Variants in ATOSA observed in about 807,000 individuals in gnomAD.
ATOSA encodes atos homolog A, also known as atos homolog protein A.
chr15:52,694,139 T>C, the ATOSA span, among the ~76,000 whole-genome samples: 2 of 148,508 alleles, frequency 1.3e-5, no homozygotes, highest in African/African-American at 2.5e-5. Flanking sequence ...TGTGTGTGCG[T>C]GTGTGTGTGT....
At chr15:52,643,267 A>G in the ATOSA span, among the ~76,000 whole-genome samples, 3 of 152,162 alleles carry the variant, frequency 2.0e-5, no homozygotes, top group African/African-American at 2.4e-5. Context: ...CCCAAAAATT[A>G]TAGCTAGTGA....
chr15:52,648,954 G>A, the ATOSA span, among the ~76,000 whole-genome samples: 1 of 152,046 alleles, frequency 6.6e-6, no homozygotes, highest in Non-Finnish European at 1.5e-5. Context: ...GATATTTCCA[G>A]TTTCTCAATA....
At chr15:52,634,671 G>A in the ATOSA span, among the ~76,000 whole-genome samples, 5 of 150,450 alleles carry the variant, frequency 3.3e-5, no homozygotes, top group Middle Eastern at 3.4e-3. Flanking sequence ...GCGCGATCTC[G>A]GCTCACTGCA....
chr15:52,615,404 C>T, the ATOSA span, among the ~76,000 whole-genome samples: 22 of 152,096 alleles, frequency 1.4e-4, no homozygotes, highest in African/African-American at 4.1e-4. Context: ...GCTCTTATCT[C>T]GGCCAATCAA....
the ATOSA span, among the ~76,000 whole-genome samples, chr15:52,629,059 A>C: frequency 6.6e-6 from 1 of 152,234 alleles, no homozygotes; most frequent in Non-Finnish European, 1.5e-5. Flanking sequence ...GAAAGCCTTC[A>C]ATCTATAAGT....
the ATOSA span, among the ~76,000 whole-genome samples, chr15:52,697,528 G>A: frequency 6.6e-6 from 1 of 152,130 alleles, no homozygotes; most frequent in African/African-American, 2.4e-5. Context: ...TCTGAAACAT[G>A]ACTCACTTCT....
chr15:52,693,346 G>A, the ATOSA span, among the ~76,000 whole-genome samples: 3 of 152,176 alleles, frequency 2.0e-5, no homozygotes, highest in African/African-American at 7.2e-5. Flanking sequence ...GTTGAACCCA[G>A]GAGGCAGAGG....
chr15:52,636,124 TAAA>T, the ATOSA span, among the ~76,000 whole-genome samples: 1 of 35,234 alleles, frequency 2.8e-5, no homozygotes, highest in Non-Finnish European at 8.4e-5. Flanking sequence ...ATAAATTTAA[TAAA>T]TATATATTAA....
At chr15:52,655,769 G>C in the ATOSA span, among the ~76,000 whole-genome samples, 1 of 152,064 alleles carries the variant, frequency 6.6e-6, no homozygotes, top group Non-Finnish European at 1.5e-5. Context: ...CTCATGATTG[G>C]AAAGACCCCT....
chr15:52,699,511 T>C, the ATOSA span, among the ~76,000 whole-genome samples: 13 of 151,804 alleles, frequency 8.6e-5, no homozygotes, highest in Non-Finnish European at 1.3e-4. Flanking sequence ...ATTTTTGTTC[T>C]GGTACAGAGT....
At chr15:52,625,688 T>C in the ATOSA span, among the ~76,000 whole-genome samples, 540 of 126,582 alleles carry the variant, frequency 4.3e-3, 3 homozygotes, top group African/African-American at 0.013. Flanking sequence ...TGTAATATCA[T>C]AAGGTGCCAT....
chr15:52,592,476 AT>A, the ATOSA span, among the ~76,000 whole-genome samples: 7 of 152,178 alleles, frequency 4.6e-5, no homozygotes, highest in Non-Finnish European at 8.8e-5. Flanking sequence ...TTGCAAATGA[AT>A]GCTTATATTA....
At chr15:52,684,881 A>G in the ATOSA span, among the ~76,000 whole-genome samples, 3 of 152,342 alleles carry the variant, frequency 2.0e-5, no homozygotes, top group South Asian at 4.1e-4. Context: ...CTAGCTCCAC[A>G]TCAGGTATTT....
chr15:52,679,539 C>T, the ATOSA span, among the ~76,000 whole-genome samples: 590 of 152,312 alleles, frequency 3.9e-3, 1 homozygote, highest in African/African-American at 0.014. Context: ...TGCAGGTGCC[C>T]GGCGGGTGCG....
At chr15:52,606,730 T>C in the ATOSA span, among the ~76,000 whole-genome samples, 4 of 152,088 alleles carry the variant, frequency 2.6e-5, no homozygotes, top group African/African-American at 7.2e-5. Context: ...TTTTAGAAAA[T>C]TGGAAACTAC....
the ATOSA span, among the ~76,000 whole-genome samples, chr15:52,585,858 TG>T: frequency 6.6e-6 from 1 of 152,210 alleles, no homozygotes; most frequent in African/African-American, 2.4e-5. Context: ...CATCACTCAC[TG>T]AATCAAAATG....
chr15:52,643,590 C>CTT, the ATOSA span, among the ~76,000 whole-genome samples: 12 of 136,676 alleles, frequency 8.8e-5, no homozygotes, highest in African/African-American at 2.7e-4. Flanking sequence ...GCCTTGAACT[C>CTT]TTTTTTTTTT....
chr15:52,653,848 A>G, the ATOSA span, among the ~76,000 whole-genome samples: 1 of 152,184 alleles, frequency 6.6e-6, no homozygotes, highest in Admixed American at 6.5e-5. Context: ...ACCTAGCACC[A>G]TGCCCCATTT....
chr15:52,668,854 G>A, the ATOSA span, among the ~76,000 whole-genome samples: 22 of 124,946 alleles, frequency 1.8e-4, no homozygotes, highest in Non-Finnish European at 3.0e-4. Flanking sequence ...ATTAATCTAT[G>A]AAAAGGTAAA....
Sources: gnomAD v4.1 joint callset for allele counts (sites outside exome capture counted in the v4.1 genomes callset) on GRCh38, gnomAD v4.1.1 for gene constraint, MANE v1.5 for transcripts, NCBI Gene and HGNC (gene_info 2026-07-23, HGNC 2026-07-21) for gene names.